Variants in ACCSL observed in about 807,000 individuals in gnomAD.
ACCSL encodes the protein 1-aminocyclopropane-1-carboxylate synthase homolog (inactive) like, also known as probable inactive 1-aminocyclopropane-1-carboxylate synthase-like protein 2.
ACCSL carries 55 observed loss-of-function variants against 61.7 expected under a neutral mutation model. That is an observed-to-expected ratio of 0.89 (90% CI 0.72 to 1.12). The LOEUF (loss-of-function observed/expected upper bound fraction) is 1.12. Among genes scored for constraint, ACCSL ranks in the 50% most tolerant of loss-of-function variants. ACCSL has a pLI of 0.00. For missense variants in ACCSL, 632 were observed against 698.0 expected, an observed-to-expected ratio of 0.91 and a Z score of 1.07; for synonymous variants, 258 against 264.3, an observed-to-expected ratio of 0.98 and a Z score of 0.23.
chr11:43,996,873 T>A, the ACCSL span, among the ~76,000 whole-genome samples: 3 of 149,316 alleles, frequency 2.0e-5, no homozygotes, highest in Admixed American at 2.0e-4. Context: ...AGAGCAAGGG[T>A]GTACACTCGG....
the ACCSL span, among the ~76,000 whole-genome samples, chr11:44,031,718 C>T: frequency 2.6e-5 from 4 of 152,144 alleles, no homozygotes. Flanking sequence ...GTCTTTGAGC[C>T]AAAGTAGACT....
At chr11:43,943,202 C>A in the ACCSL span, 1 of 1,524,176 alleles carries the variant, frequency 6.6e-7, no homozygotes, top group Non-Finnish European at 8.8e-7. The surrounding 1 kb of genome is among the most constrained non-coding windows in gnomAD (Gnocchi z 4.8). Context: ...CCTGTCGCTG[C>A]AGCGGGAGCA....
intron 1 of ACCSL, among the ~76,000 whole-genome samples, 168 bp downstream of exon 1, chr11:44,048,708 T>C (rs60488147): frequency 0.01 from 1,552 of 152,224 alleles, 40 homozygotes; most frequent in African/African-American, 0.035. Context: ...TAAAGTGACA[T>C]GCCCCAGAAA....
At chr11:43,937,276 G>A in the ACCSL span, among the ~76,000 whole-genome samples, 1 of 152,204 alleles carries the variant, frequency 6.6e-6, no homozygotes, top group South Asian at 2.1e-4. Context: ...GGACAGTACA[G>A]TGTCAACAGA....
At chr11:43,998,764 A>AT in the ACCSL span, among the ~76,000 whole-genome samples, 62,616 of 141,098 alleles carry the variant, frequency 0.44, 14,523 homozygotes, top group Middle Eastern at 0.56. Context: ...GTCACATGGC[A>AT]TTTTTTTTTT....
At chr11:44,024,653 T>G in the ACCSL span, among the ~76,000 whole-genome samples, 1 of 152,158 alleles carries the variant, frequency 6.6e-6, no homozygotes, top group Non-Finnish European at 1.5e-5. Context: ...GAGAAGAATG[T>G]GTATTCTGCT....
chr11:43,974,335 C>A, the ACCSL span, among the ~76,000 whole-genome samples: 3 of 152,174 alleles, frequency 2.0e-5, no homozygotes, highest in Non-Finnish European at 4.4e-5. Context: ...CAATCCTTGG[C>A]ATTCCTTGGC....
At chr11:43,948,663 G>A in the ACCSL span, among the ~76,000 whole-genome samples, 7 of 151,970 alleles carry the variant, frequency 4.6e-5, no homozygotes, top group Admixed American at 1.3e-4. Flanking sequence ...TTGTTGAGAT[G>A]GGGTCTCCCT....
chr11:43,936,363 C>A, the ACCSL span, among the ~76,000 whole-genome samples: 1 of 152,202 alleles, frequency 6.6e-6, no homozygotes, highest in African/African-American at 2.4e-5. Context: ...AAGTTGGGGG[C>A]TGGGTAGGTT....
chr11:44,004,966 A>G, the ACCSL span, among the ~76,000 whole-genome samples: 1 of 152,180 alleles, frequency 6.6e-6, no homozygotes, highest in African/African-American at 2.4e-5. Flanking sequence ...AACCAAGGCC[A>G]TTGGGACACT....
At chr11:43,954,018 G>A in the ACCSL span, among the ~76,000 whole-genome samples, 1 of 152,138 alleles carries the variant, frequency 6.6e-6, no homozygotes, top group Non-Finnish European at 1.5e-5. Context: ...GATGTGCAAG[G>A]TGACGGGAAG....
chr11:44,044,126 A>G (rs1386932899), upstream of ACCSL, among the ~76,000 whole-genome samples: 1 of 152,176 alleles, frequency 6.6e-6, no homozygotes, highest in Non-Finnish European at 1.5e-5. Flanking sequence ...ATTTTGAGTC[A>G]CCAAAATACG....
the ACCSL span, among the ~76,000 whole-genome samples, chr11:44,023,906 G>C: frequency 6.6e-6 from 1 of 152,086 alleles, no homozygotes; most frequent in Non-Finnish European, 1.5e-5. Flanking sequence ...ATTTAATCCA[G>C]TGGTTATTGA....
chr11:44,009,533 A>G, the ACCSL span, among the ~76,000 whole-genome samples: 1 of 152,168 alleles, frequency 6.6e-6, no homozygotes, highest in Admixed American at 6.5e-5. Flanking sequence ...TGAGAGGCCA[A>G]GATAGGAGGA....
At chr11:44,033,379 T>C in the ACCSL span, among the ~76,000 whole-genome samples, 127,447 of 152,148 alleles carry the variant, frequency 0.84, 53,525 homozygotes, top group African/African-American at 0.89. Context: ...ACCATACCTC[T>C]TGAAGAGAAA....
chr11:44,044,304 G>A (rs931562706), upstream of ACCSL, among the ~76,000 whole-genome samples: 1 of 152,128 alleles, frequency 6.6e-6, no homozygotes, highest in Non-Finnish European at 1.5e-5. Flanking sequence ...GACCCTAGAA[G>A]GTACTTATCT....
chr11:43,956,869 A>G, the ACCSL span, among the ~76,000 whole-genome samples: 1 of 151,972 alleles, frequency 6.6e-6, no homozygotes, highest in South Asian at 2.1e-4. Context: ...TTTCCCAAAG[A>G]GCCTCCCAGG....
chr11:43,979,790 T>C, the ACCSL span, among the ~76,000 whole-genome samples: 25 of 136,132 alleles, frequency 1.8e-4, no homozygotes, highest in African/African-American at 7.1e-4. Flanking sequence ...GGGGTTGCAG[T>C]GGGCTGAGAT....
the ACCSL span, among the ~76,000 whole-genome samples, chr11:43,956,208 A>T: frequency 6.6e-6 from 1 of 152,186 alleles, no homozygotes. Context: ...AGTTGGCTAC[A>T]AACAGTTGGC....
Sources: allele counts gnomAD v4.1 joint callset (sites outside exome capture counted in the v4.1 genomes callset), GRCh38; gene constraint gnomAD v4.1.1; non-coding constraint Gnocchi (gnomAD v3.1); transcripts MANE v1.5; gene names NCBI Gene and HGNC (gene_info 2026-07-23, HGNC 2026-07-21).